The following PCDH11Y variants were observed in gnomAD, a reference collection of about 807,000 sequenced individuals.
PCDH11Y encodes protocadherin 11 Y-linked.
For missense variants in PCDH11Y, 12 were observed against 224.8 expected (o/e 0.05, Z 6.05); for synonymous variants, 9 against 83.6 (o/e 0.11, Z 4.87).
chrY:5,244,837 G>C, intron 2 of PCDH11Y, among the ~76,000 whole-genome samples: 1 of 33,772 alleles, frequency 3.0e-5, no homozygotes, highest in Non-Finnish European at 7.4e-5. Flanking sequence ...GGGACTAATA[G>C]CTGCCTAACA....
intron 2 of PCDH11Y, among the ~76,000 whole-genome samples, chrY:5,149,668 G>A (rs2052862539): frequency 3.3e-5 from 1 of 30,327 alleles, no homozygotes; most frequent in Non-Finnish European, 7.9e-5. Flanking sequence ...ATGGAGGCTT[G>A]GTGAGTCCAA....
chrY:5,327,505 T>A, intron 2 of PCDH11Y, among the ~76,000 whole-genome samples: 1 of 33,609 alleles, frequency 3.0e-5, no homozygotes, highest in East Asian at 8.1e-4. Flanking sequence ...CAGGCTTTAA[T>A]CCTTTCAAAG....
At chrY:5,644,885 C>T in intron 4 of PCDH11Y, among the ~76,000 whole-genome samples, 1 of 30,191 alleles carries the variant, frequency 3.3e-5, no homozygotes, top group Admixed American at 3.0e-4. Context: ...CAGTTCTTGG[C>T]CAACCATGTA....
chrY:5,333,121 C>G (rs2124667754), intron 2 of PCDH11Y, among the ~76,000 whole-genome samples: 1 of 33,464 alleles, frequency 3.0e-5, no homozygotes, highest in South Asian at 6.5e-4. Flanking sequence ...CTCTGTTTTC[C>G]ACTCTGACCT....
chrY:5,054,118 G>A (rs2052656839), upstream of PCDH11Y, among the ~76,000 whole-genome samples: 1 of 31,343 alleles, frequency 3.2e-5, no homozygotes, highest in Non-Finnish European at 7.7e-5. Flanking sequence ...TGGATTGAGG[G>A]AGGGTGACTT....
At chrY:5,017,001 A>G in intron 1 of PCDH11Y, among the ~76,000 whole-genome samples, 1 of 33,624 alleles carries the variant, frequency 3.0e-5, no homozygotes, top group African/African-American at 1.2e-4. Context: ...AGATTAATGG[A>G]ATGGAGTTGT....
intron 2 of PCDH11Y, among the ~76,000 whole-genome samples, chrY:5,444,510 G>A: frequency 4.0e-4 from 13 of 32,841 alleles, no homozygotes; most frequent in Admixed American, 3.6e-3. Flanking sequence ...TCAGGGAAAT[G>A]CAAAATAAAA....
intron 4 of PCDH11Y, among the ~76,000 whole-genome samples, chrY:5,633,008 A>G (rs2053513564): frequency 3.1e-5 from 1 of 32,764 alleles, no homozygotes; most frequent in African/African-American, 1.2e-4. Context: ...TTCTACAACC[A>G]TCACAATGAC....
intron 3 of PCDH11Y, among the ~76,000 whole-genome samples, chrY:5,049,186 G>A (rs2052647350): frequency 3.0e-5 from 1 of 33,047 alleles, no homozygotes; most frequent in Non-Finnish European, 7.4e-5. Flanking sequence ...CTTTGTGGAT[G>A]ATCACGTGGT....
chrY:5,089,090 G>A (rs2052736419), intron 1 of PCDH11Y, among the ~76,000 whole-genome samples: 1 of 28,619 alleles, frequency 3.5e-5, no homozygotes, highest in African/African-American at 1.4e-4. Flanking sequence ...CTCTGTGCAT[G>A]GCCTCGTATT....
intron 2 of PCDH11Y, among the ~76,000 whole-genome samples, chrY:5,410,684 C>T (rs2053246321): frequency 3.4e-5 from 1 of 29,436 alleles, no homozygotes; most frequent in Non-Finnish European, 8.0e-5. Flanking sequence ...GACCCTCCCC[C>T]GACCCACCAC....
At chrY:5,307,299 G>A in intron 2 of PCDH11Y, among the ~76,000 whole-genome samples, 1 of 32,748 alleles carries the variant, frequency 3.1e-5, no homozygotes, top group Non-Finnish European at 7.5e-5. Flanking sequence ...ATTTCATTAA[G>A]TTTGTTAATA....
intron 2 of PCDH11Y, among the ~76,000 whole-genome samples, chrY:5,117,121 T>C (rs2571714): frequency 3.1e-5 from 1 of 32,766 alleles, no homozygotes; most frequent in Admixed American, 2.8e-4. Flanking sequence ...CCTTGACTCA[T>C]ATAATTTCTG....
At chrY:5,674,242 G>A (rs2053551896) in intron 4 of PCDH11Y, among the ~76,000 whole-genome samples, 1 of 33,347 alleles carries the variant, frequency 3.0e-5, no homozygotes, top group South Asian at 6.5e-4. Context: ...GCAGGGTTTC[G>A]CGATGTGTAT....
intron 2 of PCDH11Y, among the ~76,000 whole-genome samples, chrY:5,432,006 T>C: frequency 3.0e-5 from 1 of 33,108 alleles, no homozygotes; most frequent in Non-Finnish European, 7.5e-5. Flanking sequence ...ACTGTTAGCA[T>C]TCAGTATAAT....
chrY:5,129,438 A>AACACACAC, intron 2 of PCDH11Y, among the ~76,000 whole-genome samples: 4 of 18,916 alleles, frequency 2.1e-4, no homozygotes, highest in African/African-American at 8.6e-4. Flanking sequence ...CACCACCCTC[A>AACACACAC]ACACACACAC....
chrY:5,612,777 T>C (rs2124701181), intron 4 of PCDH11Y, among the ~76,000 whole-genome samples: 1 of 31,681 alleles, frequency 3.2e-5, no homozygotes, highest in Non-Finnish European at 7.6e-5. Flanking sequence ...AATAAAGTTA[T>C]GAGAAGCTTT....
chrY:5,708,917 G>C, intron 4 of PCDH11Y, among the ~76,000 whole-genome samples: 1 of 32,634 alleles, frequency 3.1e-5, no homozygotes, highest in African/African-American at 1.2e-4. Context: ...AAGCTAATGG[G>C]AGGCCATCAG....
At chrY:5,318,199 C>G (rs2053109087) in intron 2 of PCDH11Y, among the ~76,000 whole-genome samples, 1 of 32,863 alleles carries the variant, frequency 3.0e-5, no homozygotes, top group Non-Finnish European at 7.5e-5. Flanking sequence ...GATTTTATAC[C>G]TAATCACTGT....
Sources: gnomAD v4.1 joint callset for allele counts (sites outside exome capture counted in the v4.1 genomes callset) on GRCh38, gnomAD v4.1.1 for gene constraint, MANE v1.5 for transcripts, NCBI Gene and HGNC (gene_info 2026-07-23, HGNC 2026-07-21) for gene names.